OSBPL8: variants seen among roughly 807,000 people sequenced by gnomAD.
The protein encoded by OSBPL8 is oxysterol binding protein like 8.
OSBPL8 carries 59 observed loss-of-function variants against 125.5 expected under a neutral mutation model. That is an observed-to-expected ratio of 0.47 (90% CI 0.38 to 0.58). The LOEUF is 0.58. OSBPL8 is among the 20% of genes least tolerant of loss of function. OSBPL8 has a pLI of 0.00. For synonymous variants in OSBPL8, 330 were observed against 338.9 expected, an observed-to-expected ratio of 0.97 and a Z score of 0.29; for missense variants, 758 against 1,047.8, an observed-to-expected ratio of 0.72 and a Z score of 3.82.
chr12:76,373,168 A>G (rs970620915), intron 18 of OSBPL8, among the ~76,000 whole-genome samples, 176 bp downstream of exon 18: 1 of 152,202 alleles, frequency 6.6e-6, no homozygotes, highest in African/African-American at 2.4e-5. Context: ...ATAAAATATT[A>G]CACAAAATTA....
intron 16 of OSBPL8, among the ~76,000 whole-genome samples, chr12:76,377,942 T>G (rs559795933): frequency 6.6e-6 from 1 of 152,312 alleles, no homozygotes; most frequent in South Asian, 2.1e-4. Flanking sequence ...GTGCCTAGCA[T>G]GTTGTAATGT....
intron 4 of OSBPL8, among the ~76,000 whole-genome samples, chr12:76,445,000 A>C (rs752045315): frequency 6.6e-6 from 1 of 152,196 alleles, no homozygotes; most frequent in Non-Finnish European, 1.5e-5. Flanking sequence ...TATTTCCCTC[A>C]GAGATCTACT....
At chr12:76,559,124 G>T (rs2137564805) in intron 1 of OSBPL8, among the ~76,000 whole-genome samples, 1 of 152,258 alleles carries the variant, frequency 6.6e-6, no homozygotes, top group South Asian at 2.1e-4. Context: ...CACCCGGGGC[G>T]GTCGAAATGC....
chr12:76,431,081 T>C (rs1870758068), intron 4 of OSBPL8, among the ~76,000 whole-genome samples: 1 of 151,908 alleles, frequency 6.6e-6, no homozygotes, highest in East Asian at 1.9e-4. Flanking sequence ...AGGAACACAA[T>C]ACAGAAAGTA....
chr12:76,413,712 A>G (rs2136438487), intron 4 of OSBPL8, among the ~76,000 whole-genome samples: 1 of 152,254 alleles, frequency 6.6e-6, no homozygotes, highest in South Asian at 2.1e-4. Flanking sequence ...AATGGTGTTG[A>G]GAACTTTCTC....
chr12:76,452,019 A>T (rs1237959479), intron 3 of OSBPL8, among the ~76,000 whole-genome samples: 1 of 152,030 alleles, frequency 6.6e-6, no homozygotes, highest in East Asian at 1.9e-4. Flanking sequence ...AGGGAGGCTG[A>T]GGCAGGAGAA....
At chr12:76,504,817 C>T (rs1427758843) in intron 1 of OSBPL8, among the ~76,000 whole-genome samples, 2 of 152,148 alleles carry the variant, frequency 1.3e-5, no homozygotes, top group Non-Finnish European at 2.9e-5. Flanking sequence ...TTGCAACTTC[C>T]TCAATTACTC....
intron 4 of OSBPL8, among the ~76,000 whole-genome samples, chr12:76,439,007 C>T (rs1046773784): frequency 6.6e-6 from 1 of 152,028 alleles, no homozygotes; most frequent in African/African-American, 2.4e-5. Context: ...AAGATTTCAC[C>T]AACTACAGGC....
chr12:76,466,863 G>A (rs1408924946), intron 2 of OSBPL8, among the ~76,000 whole-genome samples: 1 of 152,020 alleles, frequency 6.6e-6, no homozygotes, highest in African/African-American at 2.4e-5. Context: ...GGGAGGCTGA[G>A]GCAGGAGAAT....
intron 1 of OSBPL8, among the ~76,000 whole-genome samples, chr12:76,512,621 T>C (rs1462612970): frequency 2.0e-5 from 3 of 152,240 alleles, no homozygotes; most frequent in Non-Finnish European, 4.4e-5. Flanking sequence ...GGTAACGTGA[T>C]GCCTCCAGCT....
intron 1 of OSBPL8, among the ~76,000 whole-genome samples, chr12:76,519,101 A>G (rs1043067202): frequency 3.9e-5 from 6 of 152,162 alleles, no homozygotes; most frequent in East Asian, 1.9e-4. Flanking sequence ...ACCCTTTAAG[A>G]TAAGTTCCAA....
intron 15 of OSBPL8, among the ~76,000 whole-genome samples, chr12:76,380,554 G>C (rs952909394): frequency 7.9e-6 from 1 of 126,606 alleles, no homozygotes; most frequent in African/African-American, 2.8e-5. Context: ...AAAACCCTCT[G>C]CAAGTATTCA....
chr12:76,552,625 C>T (rs996462471), intron 1 of OSBPL8, among the ~76,000 whole-genome samples: 1 of 152,026 alleles, frequency 6.6e-6, no homozygotes, highest in Non-Finnish European at 1.5e-5. Context: ...TATGTGAGAA[C>T]ATCCAGATCT....
chr12:76,532,363 A>C (rs955757901), intron 1 of OSBPL8, among the ~76,000 whole-genome samples: 1 of 152,172 alleles, frequency 6.6e-6, no homozygotes, highest in Admixed American at 6.5e-5. Context: ...TAGCAAAACT[A>C]GATCATTTCA....
chr12:76,446,561 G>T (rs556643233), intron 4 of OSBPL8, among the ~76,000 whole-genome samples: 4 of 151,946 alleles, frequency 2.6e-5, no homozygotes, highest in Admixed American at 2.0e-4. Flanking sequence ...GTTATATATG[G>T]GCCATCCATA....
At chr12:76,494,112 G>T (rs1345008693) in intron 1 of OSBPL8, among the ~76,000 whole-genome samples, 1 of 152,044 alleles carries the variant, frequency 6.6e-6, no homozygotes. Context: ...TAATTATTTT[G>T]ATTTTTCTTT....
At chr12:76,500,499 A>C (rs1181371800) in intron 1 of OSBPL8, among the ~76,000 whole-genome samples, 1 of 152,168 alleles carries the variant, frequency 6.6e-6, no homozygotes, top group Non-Finnish European at 1.5e-5. Context: ...ATACTATTTA[A>C]GTTTTTAAAA....
intron 14 of OSBPL8, among the ~76,000 whole-genome samples, chr12:76,385,810 G>T (rs1015447784): frequency 6.6e-6 from 1 of 151,650 alleles, no homozygotes; most frequent in Non-Finnish European, 1.5e-5. Flanking sequence ...AAGATATAAA[G>T]GACTTTGAAT....
chr12:76,551,433 C>T (rs570082803), intron 1 of OSBPL8, among the ~76,000 whole-genome samples: 1 of 152,240 alleles, frequency 6.6e-6, no homozygotes, highest in East Asian at 1.9e-4. Flanking sequence ...GCTATACATT[C>T]TACAATGCAC....
Sources: allele counts gnomAD v4.1 joint callset (sites outside exome capture counted in the v4.1 genomes callset), GRCh38; gene constraint gnomAD v4.1.1; transcripts MANE v1.5; gene names NCBI Gene and HGNC (gene_info 2026-07-23, HGNC 2026-07-21).